The following ARIH1 variants were observed in gnomAD, a reference collection of about 807,000 sequenced individuals.
ARIH1 encodes E3 ubiquitin-protein ligase ARIH1.
Under a neutral mutation model 85.0 loss-of-function variants are expected in ARIH1, and 8 were observed. The observed-to-expected ratio is 0.09, with a 90% CI of 0.06 to 0.17. The LOEUF (loss-of-function observed/expected upper bound fraction) is 0.17, where lower values mean the gene tolerates loss of function less well. Among genes scored for constraint, ARIH1 ranks in the 10% least tolerant of loss-of-function variants. The pLI is 1.00. For missense variants in ARIH1, 311 were observed against 718.1 expected, an observed-to-expected ratio of 0.43 and a Z score of 6.48; for synonymous variants, 238 against 253.6, an observed-to-expected ratio of 0.94 and a Z score of 0.59.
rs10699090 is a variant in ARIH1, at chr15:72,483,800, AT to A, written c.375+8800del. On this transcript the variant is annotated intron_variant, in intron 1 of 13. Coordinates refer to ENST00000379887, the MANE Select transcript of ARIH1 (RefSeq NM_005744.5). The stretch of plus-strand genomic sequence containing the variant: ...GAATTTGAGATTCTCCAGTTTACTG[AT>A]TTTTTTTTTTTTTAACTCTAGCTAC... Among the ~76,000 whole-genome samples the A allele has an allele frequency of 5.5e-3, 811 of 146,882 alleles. 13 individuals are homozygous for A. The highest frequency in any genetic ancestry group is 0.019 in the African/African-American group (754 of 40,160).
At chr15:72,541,370 G>GA (rs1457245735) in intron 2 of ARIH1, among the ~76,000 whole-genome samples, 25 of 152,048 alleles carry the variant, frequency 1.6e-4, no homozygotes, top group Non-Finnish European at 1.0e-4. Flanking sequence ...TCCACATAGT[G>GA]AAAAAAAGTT....
At position 72,582,319 on chromosome 15, in the gene ARIH1, T is replaced by A; in HGVS notation, c.1589+132T>A. ...TTTGCCATGTTTCTCACAGATTGCT[T>A]CTGTCCGTTGGGCACTAAATTGCAG... On this transcript the variant is annotated intron_variant, in intron 13 of 13. Coordinates refer to ENST00000379887, the MANE Select transcript of ARIH1 (RefSeq NM_005744.5). The surrounding 1 kb of genome is among the most constrained non-coding windows in gnomAD (Gnocchi z 4.6). 1.6e-6 allele frequency: 1 copy of A among 628,944 alleles called. No homozygotes were observed. Among genetic ancestry groups the A allele is most frequent in the Non-Finnish European group, 2.8e-6 (1 of 354,442 alleles). 39.0% of individuals were successfully genotyped at this position (628,944 alleles called of 1,614,324 possible).
chr15:72,527,274 G>A (rs1414358241), intron 2 of ARIH1, among the ~76,000 whole-genome samples: 1 of 152,146 alleles, frequency 6.6e-6, no homozygotes, highest in Non-Finnish European at 1.5e-5. Flanking sequence ...TGCTGCCATT[G>A]GGCACAGGTA....
At chr15:72,551,949 G>A (rs1279994837) in intron 3 of ARIH1, among the ~76,000 whole-genome samples, 3 of 152,066 alleles carry the variant, frequency 2.0e-5, no homozygotes, top group African/African-American at 7.2e-5. Flanking sequence ...CTATTAGATT[G>A]GCAAAGATCA....
intron 1 of ARIH1, among the ~76,000 whole-genome samples, chr15:72,476,658 G>A (rs1382995729): frequency 2.0e-5 from 3 of 152,130 alleles, no homozygotes; most frequent in African/African-American, 7.2e-5. Flanking sequence ...CACCGTGCCC[G>A]GCCTGTAGAA....
At chr15:72,478,791 G>A (rs2063804161) in intron 1 of ARIH1, among the ~76,000 whole-genome samples, 1 of 152,200 alleles carries the variant, frequency 6.6e-6, no homozygotes, top group Non-Finnish European at 1.5e-5. Flanking sequence ...GGTGAGTAGA[G>A]TGAGAAGAGC....
chr15:72,497,279 T>C (rs1232097366), intron 1 of ARIH1, among the ~76,000 whole-genome samples: 1 of 150,964 alleles, frequency 6.6e-6, no homozygotes, highest in African/African-American at 2.4e-5. Flanking sequence ...TGTGTTAATG[T>C]TTATTTATAT....
At chr15:72,504,929 A>T (rs1364262670) in intron 1 of ARIH1, among the ~76,000 whole-genome samples, 9 of 152,246 alleles carry the variant, frequency 5.9e-5, no homozygotes, top group Admixed American at 5.2e-4. Flanking sequence ...CTCTCAACAA[A>T]CCTATACCTT....
At chr15:72,499,847 A>G (rs1462092378) in intron 1 of ARIH1, among the ~76,000 whole-genome samples, 3 of 152,084 alleles carry the variant, frequency 2.0e-5, no homozygotes, top group African/African-American at 7.2e-5. Flanking sequence ...TCTTAGATAC[A>G]TGTCTTTTTC....
chr15:72,485,839 A>G (rs1250133303), intron 1 of ARIH1, among the ~76,000 whole-genome samples: 3 of 152,184 alleles, frequency 2.0e-5, no homozygotes, highest in Non-Finnish European at 4.4e-5. Context: ...AAATAGCTTA[A>G]TTATTTTCAT....
Position 72,587,110 on chromosome 15 carries a change from T to TA in ARIH1, c.*3819dup, listed in dbSNP as rs1197850098. The TA allele has an allele frequency of 1.4e-5, 6 of 435,672 alleles. No individual in the cohort carries two copies. The highest frequency in any genetic ancestry group is 1.8e-5 in the Non-Finnish European group (4 of 220,750). 27.0% of individuals were successfully genotyped at this position (435,672 alleles called of 1,614,324 possible). On this transcript the variant is annotated 3_prime_UTR_variant, in exon 14 of 14. Coordinates refer to ENST00000379887, the MANE Select transcript of ARIH1 (RefSeq NM_005744.5). ...TTTTCCTCTTCAAAGCACTTCAACT[T>TA]ACTGTCTAAAACAAGTGGAGAAGAA...
At chr15:72,482,424 G>T (rs1476806047) in intron 1 of ARIH1, among the ~76,000 whole-genome samples, 1 of 152,198 alleles carries the variant, frequency 6.6e-6, no homozygotes, top group East Asian at 1.9e-4. Flanking sequence ...ACCTCTGTAG[G>T]TGTTGTCAAA....
chr15:72,496,673 G>A (rs1273805286), intron 1 of ARIH1: 1 of 256,814 alleles, frequency 3.9e-6, no homozygotes, highest in Non-Finnish European at 6.1e-6. Context: ...ATAGATAGGG[G>A]TGTTTTCTTC....
At chr15:72,496,865 C>T in intron 1 of ARIH1, 1 of 985,368 alleles carries the variant, frequency 1.0e-6, no homozygotes, top group Non-Finnish European at 1.2e-6. Flanking sequence ...AAAGGTAGGA[C>T]AGAATCATTC....
intron 1 of ARIH1, among the ~76,000 whole-genome samples, chr15:72,513,405 T>C (rs2140408143): frequency 6.6e-6 from 1 of 152,330 alleles, no homozygotes; most frequent in South Asian, 2.1e-4. Flanking sequence ...GTTTTTTTCC[T>C]AGCCTCTTTA....
intron 2 of ARIH1, among the ~76,000 whole-genome samples, chr15:72,534,965 T>G (rs1237304439): frequency 1.3e-5 from 1 of 78,128 alleles, no homozygotes; most frequent in African/African-American, 2.6e-5. Flanking sequence ...TATTCTTTTT[T>G]TTTTTGAGAC....
intron 1 of ARIH1, among the ~76,000 whole-genome samples, chr15:72,511,944 A>G (rs773475674): frequency 4.6e-5 from 7 of 152,030 alleles, no homozygotes; most frequent in Non-Finnish European, 8.8e-5. Flanking sequence ...ACTTTTCTTC[A>G]TTAGGCTTTT....
At chr15:72,541,979 C>G (rs894940414) in intron 2 of ARIH1, among the ~76,000 whole-genome samples, 6 of 152,094 alleles carry the variant, frequency 3.9e-5, no homozygotes, top group Admixed American at 6.6e-5. Context: ...TGTCAGAGAT[C>G]AGTTATTTGA....
At chr15:72,546,286 G>A (rs982574818) in intron 3 of ARIH1, among the ~76,000 whole-genome samples, 2 of 152,050 alleles carry the variant, frequency 1.3e-5, no homozygotes, top group Non-Finnish European at 2.9e-5. Context: ...TCCATTTGTG[G>A]GGAGTTAACT....
Sources: allele counts gnomAD v4.1 joint callset (sites outside exome capture counted in the v4.1 genomes callset), GRCh38; gene constraint gnomAD v4.1.1; non-coding constraint Gnocchi (gnomAD v3.1); transcripts MANE v1.5; gene names NCBI Gene and HGNC (gene_info 2026-07-23, HGNC 2026-07-21).